BTN2A1: variants seen among roughly 807,000 people sequenced by gnomAD.
BTN2A1 encodes butyrophilin, subfamily 2, member A1.
Under a neutral mutation model 34.5 loss-of-function variants are expected in BTN2A1, and 41 were observed. The observed-to-expected ratio is 1.19, with a 90% CI of 0.93 to 1.54. BTN2A1 has a LOEUF of 1.54. Among genes scored for constraint, BTN2A1 ranks in the 40% most tolerant of loss-of-function variants. The probability of loss-of-function intolerance (pLI) is 0.00; values close to 1 mark genes in which losing one functional copy is unlikely to be tolerated. For synonymous variants in BTN2A1, 267 were observed against 258.6 expected (o/e 1.03, Z -0.31); for missense variants, 642 against 662.0 (o/e 0.97, Z 0.33).
downstream of BTN2A1, among the ~76,000 whole-genome samples, chr6:26,472,122 T>C (rs6907857): frequency 0.13 from 19,853 of 152,170 alleles, 3,453 homozygotes; most frequent in African/African-American, 0.4. Context: ...TTCTTCTGTC[T>C]TAGCATGTGG....
downstream of BTN2A1, among the ~76,000 whole-genome samples, chr6:26,471,960 T>C (rs764814049): frequency 2.0e-5 from 3 of 152,212 alleles, no homozygotes; most frequent in Non-Finnish European, 4.4e-5. Flanking sequence ...GAGGGAAGAA[T>C]TGTATTTTGT....
intron 2 of BTN2A1, 23 bp downstream of exon 2, chr6:26,458,741 G>T: frequency 6.2e-7 from 1 of 1,611,262 alleles, no homozygotes; most frequent in Non-Finnish European, 8.5e-7. Context: ...GCCACTTGCT[G>T]CTGTCACCTA....
At chr6:26,463,605 G>A in intron 4 of BTN2A1, 80 bp downstream of exon 4, 1 of 1,501,818 alleles carries the variant, frequency 6.7e-7, no homozygotes, top group South Asian at 1.2e-5. Context: ...CGGGGATGGG[G>A]GCAGCAGTGT....
At chr6:26,476,174 T>A in exon 8 of BTN2A1, 1 of 1,536,478 alleles carries the variant, frequency 6.5e-7, no homozygotes, top group Non-Finnish European at 8.7e-7. Flanking sequence ...GGTGAGTGGG[T>A]GCTGATGGCA....
At chr6:26,466,331 G>A (rs1763316499) in intron 7 of BTN2A1, among the ~76,000 whole-genome samples, 1 of 152,188 alleles carries the variant, frequency 6.6e-6, no homozygotes, top group African/African-American at 2.4e-5. Flanking sequence ...GTAATTTAAT[G>A]CATGATTACC....
At chr6:26,466,753 T>G (rs1763326823) in intron 7 of BTN2A1, among the ~76,000 whole-genome samples, 1 of 152,210 alleles carries the variant, frequency 6.6e-6, no homozygotes, top group South Asian at 2.1e-4. Context: ...ACCTTTCCTC[T>G]TTAGGTGAAT....
At position 26,468,409 on chromosome 6, in the gene BTN2A1, G is replaced by C. The variant is rs142664900; in HGVS notation, c.1444G>C (p.Val482Leu). 2 of 1,614,142 alleles carry C rather than the reference G, an allele frequency of 1.2e-6. No individual in the cohort carries two copies. The highest frequency in any genetic ancestry group is 1.7e-6 in the Non-Finnish European group (2 of 1,180,010). ...CACATGTCCCCGTTCAGCCTTTTCCGTGCCTGTGAGGCCCTTCTTCAGGTT... is the reference window on the plus strand; with the variant it reads ...CACATGTCCCCGTTCAGCCTTTTCCCTGCCTGTGAGGCCCTTCTTCAGGTT... ...IYTCPRSAFS[V>L]PVRPFFRLGC... The change falls in exon 8 of 8, where the codon GTG becomes CTG. Residue 482 changes from valine to leucine, a missense_variant. Physicochemically the swap from Val to Leu is conservative, Grantham distance 32. Coordinates refer to ENST00000312541, the MANE Select transcript of BTN2A1 (RefSeq NM_007049.5).
rs758256696 is a variant in BTN2A1, at chr6:26,459,719, C to T, written c.321C>T (p.Ser107=). The T allele has an allele frequency of 9.9e-6, 16 of 1,614,044 alleles. No individual in the cohort carries two copies. Among genetic ancestry groups the T allele is most frequent in the South Asian group, 7.7e-5 (7 of 91,088 alleles). The change falls in exon 3 of 8, where the codon AGC becomes AGT. Residue 107 remains serine (S), a synonymous_variant. Transcript: ENST00000312541. Reference sequence around the variant, plus strand: ...TGAGCAAAGACATCAGCAGGGGCAGCGTGGCCCTGGTCATACACAACATCA... The same window carrying T: ...TGAGCAAAGACATCAGCAGGGGCAGTGTGGCCCTGGTCATACACAACATCA... The part of the protein sequence containing the change: ...TFVSKDISRG[S]VALVIHNITA...
chr6:26,461,008 AGAG>A (rs1477752599), intron 3 of BTN2A1, among the ~76,000 whole-genome samples: 4 of 152,222 alleles, frequency 2.6e-5, no homozygotes, highest in Non-Finnish European at 5.9e-5. Flanking sequence ...CAGACCAGAC[AGAG>A]GAGGTGAGGA....
Position 26,459,478 on chromosome 6 carries a change from C to T in BTN2A1, c.83-3C>T. On this transcript the variant is annotated splice_polypyrimidine_tract_variant and splice_region_variant and intron_variant, in intron 2 of 7. Coordinates refer to ENST00000312541, the MANE Select transcript of BTN2A1 (RefSeq NM_007049.5). ...TGTCTGACTCTACCCCTTTGTTGAA[C>T]AGCCCAGTTTATTGTCGTGGGGCCC... 1.9e-6 allele frequency: 3 copies of T among 1,612,536 alleles called. No individual in the cohort carries two copies. Among genetic ancestry groups the T allele is most frequent in the Non-Finnish European group, 2.5e-6 (3 of 1,178,704 alleles).
At chr6:26,460,794 G>C (rs1763145262) in intron 3 of BTN2A1, among the ~76,000 whole-genome samples, 1 of 152,034 alleles carries the variant, frequency 6.6e-6, no homozygotes, top group African/African-American at 2.4e-5. Context: ...CCTGTAATCT[G>C]AGCTTCTTGG....
rs367950593 is a variant in BTN2A1, at chr6:26,469,329, C to T, written c.*780C>T. The T allele has an allele frequency of 9.1e-6, 9 of 986,544 alleles. No homozygotes were observed. Among genetic ancestry groups the T allele is most frequent in the East Asian group, 2.3e-4 (2 of 8,828 alleles). The allele number at this position is 986,544 out of a possible 1,614,324, so 61.1% of individuals were successfully genotyped here. On this transcript the variant is annotated 3_prime_UTR_variant, in exon 8 of 8. Transcript: ENST00000312541. ...CCTCAGTATTCAAGTTCAGTGGGGA[C>T]ACCAGTGGCTTCAAACTTCCTGGTT... is the stretch of plus-strand genomic sequence containing the variant.
At chr6:26,460,964 G>A (rs181204175) in intron 3 of BTN2A1, among the ~76,000 whole-genome samples, 17 of 152,246 alleles carry the variant, frequency 1.1e-4, no homozygotes, top group Non-Finnish European at 4.4e-5. Context: ...AGCCTTTAAG[G>A]TGCAGGATAA....
intron 3 of BTN2A1, among the ~76,000 whole-genome samples, chr6:26,461,380 C>A (rs941054501): frequency 6.6e-6 from 1 of 152,190 alleles, no homozygotes; most frequent in African/African-American, 2.4e-5. Flanking sequence ...CTGTATTGAA[C>A]CTCATAGAAT....
rs1174972731 is a variant in BTN2A1, at chr6:26,468,041, G to C, written c.1076G>C (p.Gly359Ala). The change falls in exon 8 of 8, where the codon GGG becomes GCG. Residue 359 changes from glycine (G) to alanine (A), a missense_variant. Coordinates refer to ENST00000312541, the MANE Select transcript of BTN2A1 (RefSeq NM_007049.5). ...SVRRCPFRHLGESVPDNPERF... is the reference protein window; with the variant it reads ...SVRRCPFRHLAESVPDNPERF... ...AGAAGGTGCCCCTTCAGGCACCTAG[G>C]GGAGAGCGTGCCTGACAACCCAGAG... 3 of 1,614,198 alleles carry C rather than the reference G, an allele frequency of 1.9e-6. No homozygotes were observed. Among genetic ancestry groups the C allele is most frequent in the Non-Finnish European group, 2.5e-6 (3 of 1,180,042 alleles).
chr6:26,467,714 C>T, intron 7 of BTN2A1: 3 of 1,589,730 alleles, frequency 1.9e-6, no homozygotes, highest in Non-Finnish European at 2.6e-6. Flanking sequence ...TTCCGGATTT[C>T]TTAGAGCTCC....
At chr6:26,461,396 G>A (rs2113857055) in intron 3 of BTN2A1, among the ~76,000 whole-genome samples, 1 of 152,286 alleles carries the variant, frequency 6.6e-6, no homozygotes, top group East Asian at 1.9e-4. Context: ...AGAATGTTTT[G>A]AAGAATTTCG....
chr6:26,459,742 T>C lies in BTN2A1; in HGVS notation c.344T>C (p.Ile115Thr), dbSNP rs781352924. 1 of 1,614,034 alleles carries C rather than the reference T, an allele frequency of 6.2e-7. No individual in the cohort carries two copies. Among genetic ancestry groups the C allele is most frequent in the African/African-American group, 1.3e-5 (1 of 75,016 alleles). ...AGCGTGGCCCTGGTCATACACAACA[T>C]CACAGCCCAGGAAAACGGCACCTAC... ...RGSVALVIHN[I>T]TAQENGTYRC... Residue 115 changes from isoleucine (I) to threonine (T), a missense_variant, in exon 3 of 8, where the codon ATC becomes ACC. Coordinates refer to ENST00000312541, the MANE Select transcript of BTN2A1 (RefSeq NM_007049.5).
In BTN2A1 at chr6:26,463,355, C is replaced by A; in HGVS notation, c.542C>A (p.Pro181His). ...AAGCCCCTCACAGTGTGGAGGGACC[C>A]CTACGGTGGGGTTGCGCCTGCCCTG... ...YPKPLTVWRD[P>H]YGGVAPALKE... The change falls in exon 4 of 8, where the codon CCC becomes CAC. Residue 181 changes from proline to histidine, a missense_variant. Physicochemically the swap from Pro to His is moderately conservative, Grantham distance 77 (BLOSUM62 -2). Coordinates refer to ENST00000312541, the MANE Select transcript of BTN2A1 (RefSeq NM_007049.5). 6.2e-7 allele frequency: 1 copy of A among 1,614,016 alleles called. No individual in the cohort carries two copies. Among genetic ancestry groups the A allele is most frequent in the Non-Finnish European group, 8.5e-7 (1 of 1,179,990 alleles).
Sources: gnomAD v4.1 joint callset for allele counts (sites outside exome capture counted in the v4.1 genomes callset) on GRCh38, gnomAD v4.1.1 for gene constraint, MANE v1.5 for transcripts, NCBI Gene and HGNC (gene_info 2026-07-23, HGNC 2026-07-21) for gene names.